The following VWA3A variants were observed in gnomAD, a reference collection of about 807,000 sequenced individuals.
VWA3A encodes the protein von Willebrand factor A domain-containing protein 3A.
Under a neutral mutation model 160.4 loss-of-function variants are expected in VWA3A, and 134 were observed. The observed-to-expected ratio is 0.84, with a 90% confidence interval of 0.73 to 0.96. The LOEUF is 0.96. Ranked by LOEUF, VWA3A falls within the 40% of genes least tolerant of loss-of-function variation. The probability of loss-of-function intolerance (pLI) is 0.00; values close to 1 mark genes in which losing one functional copy is unlikely to be tolerated. For synonymous variants in VWA3A, 476 were observed against 543.4 expected (o/e 0.88, Z 1.72); for missense variants, 1,310 against 1,447.9 (o/e 0.90, Z 1.55).
intron 6 of VWA3A, among the ~76,000 whole-genome samples, chr16:22,107,263 T>C (rs2045495246): frequency 6.6e-6 from 1 of 152,178 alleles, no homozygotes; most frequent in Admixed American, 6.5e-5. Flanking sequence ...TAGGTTGTCA[T>C]TGCTGAAGGA....
chr16:22,152,080 AG>A (rs1418618524), intron 30 of VWA3A, among the ~76,000 whole-genome samples: 2 of 152,196 alleles, frequency 1.3e-5, no homozygotes, highest in African/African-American at 4.8e-5. Flanking sequence ...GCGTGGTGGC[AG>A]GTGCCTGTAG....
rs569069206 is a variant in VWA3A, at chr16:22,113,363, C to CTTTTTTTTTTTTTTTTTTTTTTT, written c.690-1973_690-1951dup. Among the ~76,000 whole-genome samples the CTTTTTTTTTTTTTTTTTTTTTTT allele has an allele frequency of 5.6e-4, 26 of 46,268 alleles. 4 individuals are homozygous for CTTTTTTTTTTTTTTTTTTTTTTT. The highest frequency in any genetic ancestry group is 1.4e-3 in the South Asian group (1 of 710). 30.4% of individuals were successfully genotyped at this position (46,268 alleles called of 152,430 possible). ...TGCTCCACAATGCCTGGCTAATTTT[C>CTTTTTTTTTTTTTTTTTTTTTTT]TTTTTTTTTTTTTTTTTTTTTTTTT... On this transcript the variant is annotated intron_variant, in intron 8 of 33. Transcript: ENST00000389398.
intron 27 of VWA3A, chr16:22,147,785 A>G: frequency 1.5e-6 from 1 of 660,510 alleles, no homozygotes; most frequent in Non-Finnish European, 2.7e-6. Flanking sequence ...CCCAGCTCAC[A>G]TACCAGTACA....
chr16:22,111,092 C>T (rs2045546492), intron 8 of VWA3A, 98 bp downstream of exon 8: 1 of 1,054,286 alleles, frequency 9.5e-7, no homozygotes, highest in Non-Finnish European at 1.4e-6. Flanking sequence ...AACCCCAGGA[C>T]CCTACTAGAT....
intron 17 of VWA3A, among the ~76,000 whole-genome samples, 172 bp downstream of exon 17, chr16:22,126,469 A>C (rs900296195): frequency 6.6e-6 from 1 of 152,126 alleles, no homozygotes; most frequent in Admixed American, 6.5e-5. Context: ...GGGGCATTGA[A>C]TAATTAAATA....
intron 8 of VWA3A, 64 bp from the exon 9 acceptor site, chr16:22,115,283 A>C: frequency 1.3e-6 from 2 of 1,489,216 alleles, no homozygotes; most frequent in Non-Finnish European, 1.8e-6. Flanking sequence ...CTCTAAAAAG[A>C]AATTAAAATG....
rs755637026 is a variant in VWA3A at position 22,146,354 on chromosome 16, C to T, written c.2839+10C>T. 3.7e-6 allele frequency: 6 copies of T among 1,609,054 alleles called. No homozygotes were observed. In the Admixed American group the frequency reaches 1.0e-4, roughly 27 times the overall value. On this transcript the variant is annotated intron_variant, in intron 27 of 33. Coordinates refer to ENST00000389398, the MANE Select transcript of VWA3A (RefSeq NM_173615.5). ...CAGTGGCTGCTGTCCGGTGAGCCTG[C>T]CCACTGCCCTGAAGGGTGGAGGAGC... is the stretch of plus-strand genomic sequence containing the variant.
chr16:22,145,032 C>A (rs1323032553), intron 26 of VWA3A, among the ~76,000 whole-genome samples: 1 of 152,174 alleles, frequency 6.6e-6, no homozygotes, highest in Non-Finnish European at 1.5e-5. Context: ...TCTGTTATGG[C>A]AGCAAATAGG....
chr16:22,113,968 C>G (rs1361006783), intron 8 of VWA3A, among the ~76,000 whole-genome samples: 1 of 151,136 alleles, frequency 6.6e-6, no homozygotes, highest in Admixed American at 6.6e-5. Context: ...CTTCTATAAT[C>G]ATGCAATTAT....
At chr16:22,120,894 G>A in intron 12 of VWA3A, 74 bp from the exon 13 acceptor site, 1 of 1,569,474 alleles carries the variant, frequency 6.4e-7, no homozygotes, top group East Asian at 2.3e-5. Flanking sequence ...CATTGACTGG[G>A]TGGAGGGTGA....
chr16:22,146,061 A>T (rs1283478835), intron 26 of VWA3A, among the ~76,000 whole-genome samples, 175 bp from the exon 27 acceptor site: 24 of 152,162 alleles, frequency 1.6e-4, no homozygotes. Flanking sequence ...GGCTCAAGCG[A>T]TCCTCCTGCC....
At chr16:22,154,070 A>G (rs888618618) in intron 31 of VWA3A, among the ~76,000 whole-genome samples, 1 of 152,054 alleles carries the variant, frequency 6.6e-6, no homozygotes, top group Non-Finnish European at 1.5e-5. Flanking sequence ...GTAGCCTTAC[A>G]TGACTCCTTT....
rs765656457 is a variant in VWA3A at position 22,144,374 on chromosome 16, T to C, written c.2720T>C (p.Val907Ala). ...AAACACTGCAGCATCTTCCCCAGCG[T>C]TGAGATCCATGTAAGTCACAATTTT... The part of the protein sequence containing the change: ...SAKHCSIFPS[V>A]EIHGVVRHIQ... Residue 907 changes from valine (V) to alanine (A), a missense_variant, in exon 26 of 34, where the codon GTT becomes GCT. Coordinates refer to ENST00000389398, the MANE Select transcript of VWA3A (RefSeq NM_173615.5). The C allele has an allele frequency of 5.6e-5, 90 of 1,609,582 alleles. No individual in the cohort carries two copies. Among genetic ancestry groups the C allele is most frequent in the Non-Finnish European group, 7.3e-5 (86 of 1,178,964 alleles).
rs761691068 is a variant in VWA3A at position 22,142,653 on chromosome 16, C to T, written c.2495-15C>T. 8.4e-6 allele frequency: 13 copies of T among 1,550,714 alleles called. No individual in the cohort carries two copies. The highest frequency in any genetic ancestry group is 8.7e-6 in the Non-Finnish European group (10 of 1,144,452). ...CATCCAAACTATAGCAATGACCTCA[C>T]TCTGCTTCTTCTAGGCTCAGTGTAC... On this transcript the variant is annotated splice_polypyrimidine_tract_variant and intron_variant, in intron 24 of 33. Coordinates refer to ENST00000389398, the MANE Select transcript of VWA3A (RefSeq NM_173615.5).
chr16:22,126,326 G>C (rs1436394118), intron 17 of VWA3A, 29 bp downstream of exon 17: 1 of 1,603,294 alleles, frequency 6.2e-7, no homozygotes, highest in Non-Finnish European at 8.5e-7. Context: ...CTGGGGGCAA[G>C]GGTGGGTCGT....
intron 6 of VWA3A, among the ~76,000 whole-genome samples, chr16:22,104,257 G>A (rs2045449580): frequency 6.6e-6 from 1 of 152,188 alleles, no homozygotes; most frequent in African/African-American, 2.4e-5. Context: ...AGAGGCCTAG[G>A]TAGGTGGATC....
chr16:22,155,755 GTACCCTTGCTCCAAGGGTTCC>G (rs2046430031), intron 32 of VWA3A, 75 bp from the exon 33 acceptor site: 21 of 1,603,112 alleles, frequency 1.3e-5, no homozygotes, highest in Non-Finnish European at 1.8e-5. Context: ...ACCCATGATG[GTACCCTTGCTCCAAGGGTTCC>G]TGCCCTGCTT....
intron 25 of VWA3A, 27 bp from the exon 26 acceptor site, chr16:22,144,215 CTAAGA>C: frequency 6.3e-7 from 1 of 1,590,092 alleles, no homozygotes; most frequent in Non-Finnish European, 8.6e-7. Context: ...TCTGAATTGC[CTAAGA>C]TAATAGTTCT....
Position 22,116,844 on chromosome 16 carries a change from A to T in VWA3A, c.901A>T (p.Arg301Ter). ...CCTCATCATCCACTTCATCACCTAC[A>T]GATGCGATGATCAGATGCCCCCTGT... ...RDLIIHFITY[R>*]CDDQMPPAVL... Residue 301 changes from arginine to a stop codon, truncating the protein, a stop_gained, in exon 10 of 34, where the codon AGA becomes TGA. Transcript: ENST00000389398. LOFTEE classifies it high-confidence loss of function. 6.2e-7 allele frequency: 1 copy of T among 1,613,122 alleles called. No individual in the cohort carries two copies. Among genetic ancestry groups the T allele is most frequent in the Non-Finnish European group, 8.5e-7 (1 of 1,179,720 alleles).
Sources: allele counts gnomAD v4.1 joint callset (sites outside exome capture counted in the v4.1 genomes callset), GRCh38; gene constraint gnomAD v4.1.1; transcripts MANE v1.5; gene names NCBI Gene and HGNC (gene_info 2026-07-23, HGNC 2026-07-21).